PPP1R13B: variants seen among roughly 807,000 people sequenced by gnomAD.
PPP1R13B encodes apoptosis-stimulating of p53 protein 1.
Under a neutral mutation model 119.8 loss-of-function variants are expected in PPP1R13B, and 44 were observed. That is an observed-to-expected ratio of 0.37 (90% CI 0.29 to 0.47). The LOEUF (loss-of-function observed/expected upper bound fraction) is 0.47, where lower values mean the gene tolerates loss of function less well. PPP1R13B is among the 20% of genes least tolerant of loss of function. PPP1R13B has a pLI of 0.99. For missense variants in PPP1R13B, 1,227 were observed against 1,413.5 expected (o/e 0.87, Z 2.12); for synonymous variants, 542 against 561.5 (o/e 0.97, Z 0.49).
intron 1 of PPP1R13B, chr14:103,818,552 C>A: frequency 1.1e-6 from 1 of 934,528 alleles, no homozygotes; most frequent in Non-Finnish European, 1.3e-6. Context: ...CAGTTGATTT[C>A]GTCCTCATGG....
chr14:103,826,243 T>C (rs1213908781), intron 1 of PPP1R13B, among the ~76,000 whole-genome samples: 3 of 152,170 alleles, frequency 2.0e-5, no homozygotes, highest in Non-Finnish European at 4.4e-5. Context: ...GATTATTTGC[T>C]TTATTAAAGT....
In PPP1R13B at chr14:103,827,369, G is replaced by C. The variant is rs993535917; in HGVS notation, c.9+19930C>G. ...TACTAGATACTTTTTGGGGTGGAGA[G>C]TGGAATGTGAAAGCAATGAGATTTT... On this transcript the variant is annotated intron_variant, in intron 1 of 16. Coordinates refer to ENST00000202556, the MANE Select transcript of PPP1R13B (RefSeq NM_015316.3). 2.0e-5 allele frequency among the ~76,000 whole-genome samples: 3 copies of C among 152,182 alleles called. No homozygotes were observed. The South Asian group carries it at 6.2e-4, about 32-fold the overall frequency.
At chr14:103,747,055 C>T (rs1245154060) in intron 8 of PPP1R13B, 1 of 152,586 alleles carries the variant, frequency 6.6e-6, no homozygotes, top group African/African-American at 2.4e-5. Flanking sequence ...GGCTCTGACT[C>T]CCAGCAATGG....
chr14:103,818,649 G>A (rs2086333656), intron 1 of PPP1R13B: 1 of 229,396 alleles, frequency 4.4e-6, no homozygotes, highest in Non-Finnish European at 7.2e-6. Flanking sequence ...AAGTTCCCAG[G>A]GGTCACGCTT....
Position 103,740,547 on chromosome 14 carries a change from C to T in PPP1R13B, c.1869G>A (p.Pro623=), listed in dbSNP as rs375634147. Residue 623 remains proline (P), a synonymous_variant, in exon 12 of 17, where the codon CCG becomes CCA. Coordinates refer to ENST00000202556, the MANE Select transcript of PPP1R13B (RefSeq NM_015316.3). The surrounding 1 kb of genome is among the most constrained non-coding windows in gnomAD (Gnocchi z 4.6). ...VLPSGSTSPS[P]LPFLHGSLST... ...ACAGTGACCCGTGAAGAAACGGCAG[C>T]GGCGATGGAGAGGTTGAACCCGAAG... 125 of 1,563,526 alleles carry T rather than the reference C, an allele frequency of 8.0e-5. No individual in the cohort carries two copies. Among genetic ancestry groups the T allele is most frequent in the African/African-American group, 1.9e-4 (14 of 73,466 alleles).
chr14:103,764,660 A>G (rs1251793243), intron 4 of PPP1R13B, among the ~76,000 whole-genome samples: 2 of 152,016 alleles, frequency 1.3e-5, no homozygotes, highest in African/African-American at 4.8e-5. Flanking sequence ...TATGTGTTAA[A>G]CATTTCTTTT....
rs760311107 is a variant in PPP1R13B, at chr14:103,738,662, A to T, written c.2864+17T>A. ...GGGAAAGTAAATCTGTCCACCCCAC[A>T]CTCCTACGGGCCTCACCATCCATCA... On this transcript the variant is annotated intron_variant, in intron 14 of 16. Coordinates refer to ENST00000202556, the MANE Select transcript of PPP1R13B (RefSeq NM_015316.3). This position sits in a 1 kb window ranked among gnomAD's most constrained non-coding sequence, Gnocchi z 5.6. 11 of 1,613,120 alleles carry T rather than the reference A, an allele frequency of 6.8e-6. No individual in the cohort carries two copies. Among genetic ancestry groups the T allele is most frequent in the Non-Finnish European group, 8.5e-6 (10 of 1,179,488 alleles).
chr14:103,755,478 C>CAAT (rs1277859512), intron 5 of PPP1R13B, among the ~76,000 whole-genome samples: 2 of 152,114 alleles, frequency 1.3e-5, no homozygotes, highest in East Asian at 3.8e-4. Flanking sequence ...ACAATATATG[C>CAAT]AACATTCTTC....
chr14:103,821,633 C>T (rs2086410521), intron 1 of PPP1R13B, among the ~76,000 whole-genome samples: 1 of 152,100 alleles, frequency 6.6e-6, no homozygotes, highest in South Asian at 2.1e-4. Flanking sequence ...TGCCTGTAAT[C>T]CCAGATACTC....
At chr14:103,818,624 G>T in intron 1 of PPP1R13B, 1 of 414,766 alleles carries the variant, frequency 2.4e-6, no homozygotes, top group Non-Finnish European at 3.2e-6. Context: ...TCTTCTCTGG[G>T]CTTCACATTT....
intron 1 of PPP1R13B, among the ~76,000 whole-genome samples, chr14:103,821,353 A>C (rs2086402885): frequency 6.6e-6 from 1 of 152,188 alleles, no homozygotes; most frequent in African/African-American, 2.4e-5. Flanking sequence ...GCACTGAAAA[A>C]GTCGGGAAGC....
Position 103,740,830 on chromosome 14 carries a change from A to C in PPP1R13B, c.1823-237T>G, listed in dbSNP as rs1376904783. Among the ~76,000 whole-genome samples, 1 of 152,234 alleles carries C rather than the reference A, an allele frequency of 6.6e-6. No homozygotes were observed. Among genetic ancestry groups the C allele is most frequent in the African/African-American group, 2.4e-5 (1 of 41,452 alleles). ...CGGTTTTTACATTTGGGTTTCCAGA[A>C]CTGGAGCTTTTTCAAAAGAAAAAAA... is the stretch of plus-strand genomic sequence containing the variant. On this transcript the variant is annotated intron_variant, in intron 11 of 16. Coordinates refer to ENST00000202556, the MANE Select transcript of PPP1R13B (RefSeq NM_015316.3). The surrounding 1 kb of genome is among the most constrained non-coding windows in gnomAD (Gnocchi z 4.6).
intron 3 of PPP1R13B, among the ~76,000 whole-genome samples, chr14:103,780,216 T>G (rs1363949267): frequency 6.6e-6 from 1 of 151,352 alleles, no homozygotes; most frequent in African/African-American, 2.4e-5. Flanking sequence ...CCAGGCATGG[T>G]GGCTCATGCC....
chr14:103,844,725 C>CA (rs1386431280), intron 1 of PPP1R13B, among the ~76,000 whole-genome samples: 8 of 150,690 alleles, frequency 5.3e-5, no homozygotes, highest in African/African-American at 1.2e-4. Context: ...GACTCTGTCA[C>CA]AAAAAAAGAA....
At chr14:103,804,151 G>A (rs893553617) in intron 1 of PPP1R13B, 4 of 684,468 alleles carry the variant, frequency 5.8e-6, no homozygotes, top group Non-Finnish European at 5.4e-6. Context: ...CAATACTTGT[G>A]TTCTCCAGCT....
chr14:103,779,651 A>G (rs1004531107), intron 3 of PPP1R13B, among the ~76,000 whole-genome samples: 1 of 150,818 alleles, frequency 6.6e-6, no homozygotes, highest in Non-Finnish European at 1.5e-5. Context: ...GCATGGTGAC[A>G]TGTGCCTCAT....
intron 7 of PPP1R13B, among the ~76,000 whole-genome samples, chr14:103,751,615 T>C (rs544191206): frequency 1.3e-5 from 2 of 152,158 alleles, no homozygotes; most frequent in East Asian, 3.9e-4. Context: ...AGGAGGTAAT[T>C]AGGTTTAAGC....
At chr14:103,778,705 C>T (rs2085268839) in intron 4 of PPP1R13B, 40 bp downstream of exon 4, 2 of 1,534,884 alleles carry the variant, frequency 1.3e-6, no homozygotes, top group East Asian at 4.5e-5. Context: ...TGCACCTAGC[C>T]ATCAATTTTT....
chr14:103,754,040 T>G (rs2084615106), intron 6 of PPP1R13B, 30 bp downstream of exon 6: 2 of 1,602,192 alleles, frequency 1.2e-6, no homozygotes, highest in South Asian at 2.2e-5. Flanking sequence ...CTGGTGAGAG[T>G]GGTGTCGAGG....
Sources: gnomAD v4.1 joint callset for allele counts (sites outside exome capture counted in the v4.1 genomes callset) on GRCh38, gnomAD v4.1.1 for gene constraint, Gnocchi (gnomAD v3.1) non-coding constraint, MANE v1.5 for transcripts, NCBI Gene and HGNC (gene_info 2026-07-23, HGNC 2026-07-21) for gene names.